TP53BP1: variants seen among roughly 807,000 people sequenced by gnomAD.
The protein encoded by TP53BP1 is TP53-binding protein 1.
Under a neutral mutation model 200.8 loss-of-function variants are expected in TP53BP1, and 61 were observed. The observed-to-expected ratio is 0.30, with a 90% CI of 0.25 to 0.38. The LOEUF is 0.38. TP53BP1 is among the 10% of genes least tolerant of loss of function. The pLI is 1.00. For missense variants in TP53BP1, 2,144 were observed against 2,371.9 expected (o/e 0.90, Z 2.00); for synonymous variants, 822 against 844.3 (o/e 0.97, Z 0.46).
chr15:43,496,622 C>CTTT (rs201302525), upstream of TP53BP1, among the ~76,000 whole-genome samples: 4 of 135,162 alleles, frequency 3.0e-5, no homozygotes, highest in Non-Finnish European at 3.2e-5. Flanking sequence ...TCATATATTC[C>CTTT]TTTTTTTTTT....
chr15:43,409,338 C>G, intron 25 of TP53BP1: 2 of 582,514 alleles, frequency 3.4e-6, no homozygotes, highest in Non-Finnish European at 6.1e-6. Context: ...CAACCAAAAC[C>G]TATGAACTCA....
In TP53BP1 at chr15:43,492,488, G is replaced by T. The variant is rs1458010835; in HGVS notation, c.8-20C>A. 6.2e-7 allele frequency: 1 copy of T among 1,604,712 alleles called. No homozygotes were observed. Among genetic ancestry groups the T allele is most frequent in the Non-Finnish European group, 8.5e-7 (1 of 1,173,648 alleles). Reference sequence around the variant, plus strand: ...GCTCCCCTGGAATGGAATAACAAAAGATCAGTTCCGTGTAACCTACTAGCC... The same window carrying T: ...GCTCCCCTGGAATGGAATAACAAAATATCAGTTCCGTGTAACCTACTAGCC... On this transcript the variant is annotated intron_variant, in intron 1 of 27. Transcript: ENST00000382044.
At position 43,421,159 on chromosome 15, in the gene TP53BP1, G is replaced by C. The variant is rs944309752; in HGVS notation, c.4116C>G (p.Val1372=). The C allele has an allele frequency of 1.2e-6, 2 of 1,613,956 alleles. No homozygotes were observed. The highest frequency in any genetic ancestry group is 2.7e-5 in the African/African-American group (2 of 74,926). Residue 1372 remains valine, a synonymous_variant, in exon 20 of 28, where the codon GTC becomes GTG. Transcript: ENST00000382044. ...CACACACTGGCGTCCCTGTCTGACT[G>C]ACCCCTTTTCTAGGACTAGAGAATG... ...GPGKLSPRKG[V]SQTGTPVCEE...
chr15:43,443,289 T>G (rs568424006), intron 14 of TP53BP1, among the ~76,000 whole-genome samples: 9 of 152,114 alleles, frequency 5.9e-5, no homozygotes, highest in Non-Finnish European at 1.3e-4. Flanking sequence ...CTTAATAAAA[T>G]AAGTAGAAAA....
At position 43,404,772 on chromosome 15, in the gene TP53BP1, G is replaced by A; in HGVS notation, c.*2611C>T. The stretch of plus-strand genomic sequence containing the variant: ...TACTAAAAAACCTGACAGTGAGATA[G>A]GTGTTAAGTCCTTTGCTAGGTTATG... On this transcript the variant is annotated 3_prime_UTR_variant, in exon 28 of 28. Transcript: ENST00000382044. The A allele has an allele frequency of 3.5e-6, 2 of 569,892 alleles. No homozygotes were observed. The highest frequency in any genetic ancestry group is 6.1e-6 in the Non-Finnish European group (2 of 330,290). The allele number at this position is 569,892 out of a possible 1,614,324, so 35.3% of individuals were successfully genotyped here. A position where few individuals can be genotyped will look rare whatever the true frequency, so the allele number is the denominator to read the frequency against.
chr15:43,438,518 A>G, intron 15 of TP53BP1, 102 bp from the exon 16 acceptor site: 1 of 952,964 alleles, frequency 1.0e-6, no homozygotes, highest in Non-Finnish European at 1.5e-6. Context: ...CTTTCTCTGC[A>G]TATCAAACTC....
intron 25 of TP53BP1, 91 bp downstream of exon 25, chr15:43,409,556 G>T (rs1020685094): frequency 1.4e-5 from 9 of 628,720 alleles, no homozygotes; most frequent in Non-Finnish European, 2.3e-5. Flanking sequence ...ACTTTATCCA[G>T]GTTCCCCAAC....
Position 43,404,372 on chromosome 15 carries a change from T to G in TP53BP1, c.*3011A>C. The G allele has an allele frequency of 6.2e-7, 1 of 1,611,476 alleles. No homozygotes were observed. Among genetic ancestry groups the G allele is most frequent in the Non-Finnish European group, 8.5e-7 (1 of 1,178,432 alleles). On this transcript the variant is annotated 3_prime_UTR_variant, in exon 28 of 28. Coordinates refer to ENST00000382044, the MANE Select transcript of TP53BP1 (RefSeq NM_001141980.3). ...CCCCATCCTCCATATGGAGAGTTGG[T>G]GAGCTGAAGTGGAATGACAGCTGAG...
chr15:43,482,232 A>AAAC (rs138162379), intron 4 of TP53BP1, among the ~76,000 whole-genome samples: 4,882 of 151,784 alleles, frequency 0.032, 208 homozygotes, highest in African/African-American at 0.094. Flanking sequence ...CCACCTCAAA[A>AAAC]AACAACAACA....
intron 11 of TP53BP1, among the ~76,000 whole-genome samples, chr15:43,460,119 T>G (rs1370517018): frequency 1.3e-5 from 2 of 152,220 alleles, no homozygotes; most frequent in Non-Finnish European, 2.9e-5. Flanking sequence ...TAACCAATAC[T>G]TCAATATTTT....
intron 24 of TP53BP1, among the ~76,000 whole-genome samples, chr15:43,410,174 G>A (rs1444183285): frequency 6.6e-6 from 1 of 152,146 alleles, no homozygotes; most frequent in Non-Finnish European, 1.5e-5. Context: ...ATGAATAGCT[G>A]ATGAACACTT....
chr15:43,433,822 T>C (rs1256255511), intron 16 of TP53BP1, among the ~76,000 whole-genome samples: 1 of 152,144 alleles, frequency 6.6e-6, no homozygotes, highest in Non-Finnish European at 1.5e-5. Context: ...AACTATGTCA[T>C]ATGTTGATTT....
At position 43,451,126 on chromosome 15, in the gene TP53BP1, C is replaced by T. The variant is rs1341696503; in HGVS notation, c.2717-3641G>A. ...AGTAGATGAACAAATGCAAAACTCA[C>T]CCAATTCACACCTTTCATTCTGTCT... On this transcript the variant is annotated intron_variant, in intron 12 of 27. Transcript: ENST00000382044. 2.6e-5 allele frequency among the ~76,000 whole-genome samples: 4 copies of T among 152,074 alleles called. 1 individual carries two copies. In the South Asian group the frequency reaches 8.3e-4, roughly 32 times the overall value.
rs1315397334 is a variant in TP53BP1, at chr15:43,469,859, T to C, written c.1388A>G (p.His463Arg). ...LPIPSQPQFS[H>R]DIFIPSPSLE... is the part of the protein sequence containing the mutation. ...AACAACTCTTTTTACAATACTCACA[T>C]GAGAAAACTGAGGCTGGGATGGGAT... is the stretch of plus-strand genomic sequence containing the variant. Residue 463 changes from histidine (H) to arginine (R), a missense_variant and splice_region_variant, in exon 11 of 28, where the codon CAT becomes CGT. Transcript: ENST00000382044. 1.9e-6 allele frequency: 3 copies of C among 1,609,624 alleles called. No homozygotes were observed. In the African/African-American group the frequency reaches 4.0e-5, roughly 22 times the overall value.
In TP53BP1 at chr15:43,456,955, C is replaced by T. The variant is rs201623737; in HGVS notation, c.1653G>A (p.Glu551=). The change falls in exon 12 of 28, where the codon GAG becomes GAA. Residue 551 remains glutamate, a synonymous_variant. Coordinates refer to ENST00000382044, the MANE Select transcript of TP53BP1 (RefSeq NM_001141980.3). ...IDEDGENTQI[E]DTEPMSPVLN... is the part of the protein sequence containing the mutation. ...GAACTGGAGACATGGGTTCCGTATC[C>T]TCAATCTGTGTGTTTTCTCCATCTT... 2.0e-4 allele frequency: 319 copies of T among 1,614,178 alleles called. No homozygotes were observed. The highest frequency in any genetic ancestry group is 2.4e-4 in the Non-Finnish European group (287 of 1,180,040).
Position 43,455,903 on chromosome 15 carries a change from T to C in TP53BP1, c.2705A>G (p.Glu902Gly), listed in dbSNP as rs1157700200. ...PSAHASQSFCESSSETPFHFT... is the reference protein window; with the variant it reads ...PSAHASQSFCGSSSETPFHFT... ...ACAATCACACTCACCACTAGAACTT[T>C]CACAGAAGCTTTGTGAGGCATGGGC... The change falls in exon 12 of 28, where the codon GAA (glutamate) becomes GGA (glycine). Residue 902 changes from glutamate to glycine, a missense_variant. Glu to Gly is a moderately conservative substitution (Grantham distance 98). Transcript: ENST00000382044. 1.9e-6 allele frequency: 3 copies of C among 1,614,048 alleles called. No individual in the cohort carries two copies. The highest frequency in any genetic ancestry group is 2.2e-5 in the East Asian group (1 of 44,884).
intron 11 of TP53BP1, among the ~76,000 whole-genome samples, chr15:43,466,031 T>C (rs2046571457): frequency 6.6e-6 from 1 of 152,176 alleles, no homozygotes; most frequent in Non-Finnish European, 1.5e-5. Context: ...AAAGGAAAAT[T>C]ATTTCCAATC....
At chr15:43,449,823 T>C (rs772623674) in intron 12 of TP53BP1, among the ~76,000 whole-genome samples, 4 of 152,210 alleles carry the variant, frequency 2.6e-5, no homozygotes, top group Non-Finnish European at 5.9e-5. Flanking sequence ...AGTAGCAGCC[T>C]ATATCTCCAG....
chr15:43,508,828 T>C (rs940749341), intron 1 of TP53BP1, among the ~76,000 whole-genome samples: 3 of 152,164 alleles, frequency 2.0e-5, no homozygotes, highest in East Asian at 3.9e-4. Context: ...TTTAGTACTA[T>C]CATAATCTAC....
Sources: allele counts gnomAD v4.1 joint callset (sites outside exome capture counted in the v4.1 genomes callset), GRCh38; gene constraint gnomAD v4.1.1; transcripts MANE v1.5; gene names NCBI Gene and HGNC (gene_info 2026-07-23, HGNC 2026-07-21).